Variants in EPB41L2 observed in about 807,000 individuals in gnomAD.
EPB41L2 encodes band 4.1-like protein 2.
EPB41L2 carries 43 observed loss-of-function variants against 113.0 expected under a neutral mutation model. That is an observed-to-expected ratio of 0.38 (90% CI 0.30 to 0.49). The LOEUF is 0.49. Ranked by LOEUF, EPB41L2 falls within the 20% of genes least tolerant of loss-of-function variation. The pLI, the probability that EPB41L2 is intolerant of heterozygous loss-of-function variation, is 0.95. For synonymous variants in EPB41L2, 442 were observed against 436.7 expected, an observed-to-expected ratio of 1.01 and a Z score of -0.15; for missense variants, 1,147 against 1,223.4, an observed-to-expected ratio of 0.94 and a Z score of 0.93.
chr6:130,935,120 A>G (rs1808355156), intron 3 of EPB41L2, among the ~76,000 whole-genome samples: 1 of 152,212 alleles, frequency 6.6e-6, no homozygotes, highest in African/African-American at 2.4e-5. Context: ...AATACCATTC[A>G]ATGTAGTTTC....
At chr6:130,978,488 C>G (rs546284592) in intron 1 of EPB41L2, 25 of 152,326 alleles carry the variant, frequency 1.6e-4, no homozygotes, top group African/African-American at 5.8e-4. Context: ...CAAAACCTAA[C>G]TCTCTAAATT....
At chr6:130,844,179 A>C (rs1244820777) in intron 19 of EPB41L2, among the ~76,000 whole-genome samples, 1 of 152,258 alleles carries the variant, frequency 6.6e-6, no homozygotes, top group African/African-American at 2.4e-5. Context: ...CAATGCAAAT[A>C]ATACAAGAAA....
intron 1 of EPB41L2, among the ~76,000 whole-genome samples, chr6:131,051,464 A>AC (rs1245376964): frequency 1.3e-5 from 2 of 150,116 alleles, no homozygotes; most frequent in Non-Finnish European, 3.0e-5. Context: ...AAAAAAAAAA[A>AC]AACACACACA....
chr6:130,959,508 A>G (rs1159684386), intron 1 of EPB41L2, among the ~76,000 whole-genome samples: 1 of 152,226 alleles, frequency 6.6e-6, no homozygotes. Context: ...ATCAGGAGAC[A>G]GTAATATCCC....
chr6:130,899,598 G>T lies in EPB41L2; in HGVS notation c.1149-20C>A, dbSNP rs747455459. The stretch of plus-strand genomic sequence containing the variant: ...AAGCCCCTGAGAATCAAAAGAAACA[G>T]TATTATCTTATTAATGGATGCAGAG... On this transcript the variant is annotated intron_variant, in intron 7 of 19. Coordinates refer to ENST00000337057, the MANE Select transcript of EPB41L2 (RefSeq NM_001431.4). The T allele has an allele frequency of 5.6e-6, 9 of 1,602,994 alleles. No individual in the cohort carries two copies. The Admixed American group carries it at 1.3e-4, about 24-fold the overall frequency.
At chr6:130,918,255 T>C (rs1801745193) in intron 4 of EPB41L2, among the ~76,000 whole-genome samples, 2 of 152,240 alleles carry the variant, frequency 1.3e-5, no homozygotes, top group African/African-American at 4.8e-5. Flanking sequence ...ATTAGATGAC[T>C]GCTTCAACTA....
chr6:130,866,963 C>T lies in EPB41L2; in HGVS notation c.2730+496G>A, dbSNP rs115207431. 6.6e-3 allele frequency among the ~76,000 whole-genome samples: 1,006 copies of T among 151,616 alleles called. 12 individuals are homozygous for T. Among genetic ancestry groups the T allele is most frequent in the African/African-American group, 0.022 (904 of 41,262 alleles). On this transcript the variant is annotated intron_variant, in intron 16 of 19. Coordinates refer to ENST00000337057, the MANE Select transcript of EPB41L2 (RefSeq NM_001431.4). ...CGAAGGAGAAGCACAGGTGTGTGTG[C>T]CTGTGTGTGTTTGTGTGTGTGTGTG...
At chr6:131,016,218 C>T (rs1584534639) in intron 1 of EPB41L2, among the ~76,000 whole-genome samples, 1 of 152,068 alleles carries the variant, frequency 6.6e-6, no homozygotes, top group East Asian at 1.9e-4. Context: ...TTCTGTTATA[C>T]CTTTTCCAGC....
chr6:131,049,633 T>C (rs1343290908), intron 1 of EPB41L2, among the ~76,000 whole-genome samples: 2 of 152,216 alleles, frequency 1.3e-5, no homozygotes, highest in Non-Finnish European at 2.9e-5. Flanking sequence ...ATATGAACCA[T>C]TGTCTAGCGT....
intron 4 of EPB41L2, among the ~76,000 whole-genome samples, chr6:130,917,396 G>A (rs1801456646): frequency 6.6e-6 from 1 of 152,112 alleles, no homozygotes. Context: ...GGTTTAGTGG[G>A]AAACCCCCAT....
Position 130,870,066 on chromosome 6 carries a change from C to A in EPB41L2, c.2104G>T (p.Glu702Ter). The A allele has an allele frequency of 6.2e-7, 1 of 1,614,068 alleles. No homozygotes were observed. The highest frequency in any genetic ancestry group is 8.5e-7 in the Non-Finnish European group (1 of 1,180,006). Reference protein sequence around the residue: ...EKKRAEVGKDERVITEEMNGK... With the variant: ...EKKRAEVGKD ...TTCATTTCTTCTGTGATTACTCTTTCGTCTTTCCCAACCTCTGCCCGCTTC... is the reference window on the plus strand; with the variant it reads ...TTCATTTCTTCTGTGATTACTCTTTAGTCTTTCCCAACCTCTGCCCGCTTC... The change falls in exon 15 of 20, where the codon GAA becomes TAA. Residue 702 changes from glutamate to a stop codon, truncating the protein, a stop_gained. Coordinates refer to ENST00000337057, the MANE Select transcript of EPB41L2 (RefSeq NM_001431.4). LOFTEE classifies it high-confidence loss of function.
chr6:130,950,725 C>T (rs564350629), intron 3 of EPB41L2, among the ~76,000 whole-genome samples: 10 of 151,776 alleles, frequency 6.6e-5, no homozygotes, highest in South Asian at 6.2e-4. Context: ...GAAGACAATT[C>T]GATAAAAGAA....
At chr6:131,050,002 C>T (rs1221754129) in intron 1 of EPB41L2, among the ~76,000 whole-genome samples, 4 of 152,124 alleles carry the variant, frequency 2.6e-5, no homozygotes, top group South Asian at 2.1e-4. Flanking sequence ...TTAAACTCTT[C>T]GCTCTTCTTA....
At chr6:131,002,172 T>G (rs1012079856) in intron 1 of EPB41L2, among the ~76,000 whole-genome samples, 1 of 152,176 alleles carries the variant, frequency 6.6e-6, no homozygotes, top group Non-Finnish European at 1.5e-5. Context: ...TGCTTTTTTT[T>G]CAGAGGCATT....
chr6:130,887,561 G>T (rs1055907228), intron 11 of EPB41L2, among the ~76,000 whole-genome samples: 1 of 152,126 alleles, frequency 6.6e-6, no homozygotes, highest in Non-Finnish European at 1.5e-5. Flanking sequence ...TACCTCTCCC[G>T]CCACTTCCTA....
chr6:131,050,088 C>A (rs1796230683), intron 1 of EPB41L2, among the ~76,000 whole-genome samples: 1 of 152,116 alleles, frequency 6.6e-6, no homozygotes, highest in South Asian at 2.1e-4. Flanking sequence ...CCTGTAATCC[C>A]AGCACTTTGG....
chr6:130,848,199 T>TCTCACACACACACACA (rs376078462), intron 19 of EPB41L2, among the ~76,000 whole-genome samples: 6 of 113,408 alleles, frequency 5.3e-5, no homozygotes, highest in Non-Finnish European at 5.2e-5. Flanking sequence ...TCTCTCTCTC[T>TCTCACACACACACACA]CACACACACA....
chr6:130,855,358 T>TA lies in EPB41L2; in HGVS notation c.*5+2772dup, dbSNP rs1437333484. On this transcript the variant is annotated intron_variant, in intron 19 of 19. Coordinates refer to ENST00000337057, the MANE Select transcript of EPB41L2 (RefSeq NM_001431.4). ...AGAGCGAGACTCCGTCACAAAAAAA[T>TA]AAAAAATAAATAAAACCATTAGGGA... 2.6e-5 allele frequency among the ~76,000 whole-genome samples: 4 copies of TA among 151,796 alleles called. No individual in the cohort carries two copies. The East Asian group carries it at 7.8e-4, about 29-fold the overall frequency.
intron 1 of EPB41L2, among the ~76,000 whole-genome samples, chr6:131,002,631 T>G (rs1195606541): frequency 2.6e-5 from 4 of 152,242 alleles, no homozygotes; most frequent in Non-Finnish European, 5.9e-5. Context: ...AAAATCATTT[T>G]AAAAGGTTAA....
Sources: allele counts gnomAD v4.1 joint callset (sites outside exome capture counted in the v4.1 genomes callset), GRCh38; gene constraint gnomAD v4.1.1; transcripts MANE v1.5; gene names NCBI Gene and HGNC (gene_info 2026-07-23, HGNC 2026-07-21).